RORA: variants seen among roughly 807,000 people sequenced by gnomAD.
The protein encoded by RORA is nuclear receptor ROR-alpha.
A neutral mutation model predicts 69.5 loss-of-function variants in RORA; 7 were observed. The ratio of observed to expected loss-of-function variants is 0.10; its 90% CI spans 0.06 to 0.19. The LOEUF (loss-of-function observed/expected upper bound fraction) is 0.19. Ranked by LOEUF, RORA falls within the 10% of genes least tolerant of loss-of-function variation. The probability of loss-of-function intolerance (pLI) is 1.00; values close to 1 mark genes in which losing one functional copy is unlikely to be tolerated. For missense variants in RORA, 457 were observed against 663.0 expected, an observed-to-expected ratio of 0.69 and a Z score of 3.41; for synonymous variants, 261 against 240.8, an observed-to-expected ratio of 1.08 and a Z score of -0.78.
At chr15:60,645,975 T>C (rs1415708376) in intron 2 of RORA, among the ~76,000 whole-genome samples, 1 of 152,194 alleles carries the variant, frequency 6.6e-6, no homozygotes, top group Non-Finnish European at 1.5e-5. Flanking sequence ...GCACCATATG[T>C]GAGCATGAAA....
intron 10 of RORA, among the ~76,000 whole-genome samples, chr15:60,498,951 A>G (rs1292309752): frequency 6.6e-6 from 1 of 152,174 alleles, no homozygotes; most frequent in African/African-American, 2.4e-5. Flanking sequence ...TAAAATAAGA[A>G]AGAACAGGGC....
intron 2 of RORA, among the ~76,000 whole-genome samples, chr15:60,632,566 C>T (rs1232344922): frequency 1.3e-5 from 2 of 152,082 alleles, no homozygotes; most frequent in Non-Finnish European, 2.9e-5. Context: ...CATTGTTCAT[C>T]GACACTGAGT....
chr15:60,517,688 CTCTT>C (rs1229508330), intron 3 of RORA, among the ~76,000 whole-genome samples: 1 of 152,186 alleles, frequency 6.6e-6, no homozygotes, highest in East Asian at 1.9e-4. Context: ...AGGTGTTTAT[CTCTT>C]TCTTGAGACT....
chr15:61,196,245 G>C (rs764051589), intron 1 of RORA, among the ~76,000 whole-genome samples: 7 of 152,356 alleles, frequency 4.6e-5, no homozygotes, highest in Non-Finnish European at 8.8e-5. Context: ...TGAAGAGCTG[G>C]GTAGCAGCTT....
chr15:61,001,622 C>T lies in RORA; in HGVS notation c.166+227431G>A, dbSNP rs549171548. On this transcript the variant is annotated intron_variant, in intron 1 of 10. Transcript: ENST00000335670. ...CTTTCAACAAGTATCTCCTGAGTGC[C>T]GGCTCTGTCCTAGACACTAGGGATA... Among the ~76,000 whole-genome samples, 17 of 152,296 alleles carry T rather than the reference C, an allele frequency of 1.1e-4. No homozygotes were observed. In the South Asian group the frequency reaches 2.1e-3, roughly 19 times the overall value.
chr15:61,069,031 T>C lies in RORA; in HGVS notation c.166+160022A>G, dbSNP rs1432036047. ...TCATCCACCTTTCTAGCAGTAATAC[T>C]GACATCTGAATCTCTTTTTCTCACT... On this transcript the variant is annotated intron_variant, in intron 1 of 10. Coordinates refer to ENST00000335670, the MANE Select transcript of RORA (RefSeq NM_134261.3). 3.3e-5 allele frequency among the ~76,000 whole-genome samples: 5 copies of C among 152,220 alleles called. No individual in the cohort carries two copies. The East Asian group carries it at 9.6e-4, about 29-fold the overall frequency.
At chr15:60,578,923 C>T (rs1308099168) in intron 2 of RORA, among the ~76,000 whole-genome samples, 4 of 151,942 alleles carry the variant, frequency 2.6e-5, no homozygotes, top group Non-Finnish European at 5.9e-5. Context: ...GCCACCATGC[C>T]CAGCTAATTT....
intron 2 of RORA, among the ~76,000 whole-genome samples, chr15:60,654,698 T>C (rs1056277820): frequency 3.3e-5 from 5 of 152,126 alleles, no homozygotes; most frequent in Non-Finnish European, 7.4e-5. Flanking sequence ...AGGGTCCTTA[T>C]AAGAAGTAGA....
chr15:60,645,149 A>G (rs1212673802), intron 2 of RORA, among the ~76,000 whole-genome samples: 2 of 152,074 alleles, frequency 1.3e-5, no homozygotes, highest in Non-Finnish European at 2.9e-5. Flanking sequence ...CAAAAATTCC[A>G]TGATAAGCTA....
intron 1 of RORA, among the ~76,000 whole-genome samples, chr15:60,876,113 C>T (rs937166732): frequency 6.6e-6 from 1 of 152,166 alleles, no homozygotes; most frequent in Non-Finnish European, 1.5e-5. Context: ...TGAAGTCCCA[C>T]AGATTTCTAC....
intron 1 of RORA, among the ~76,000 whole-genome samples, chr15:61,014,570 C>A (rs1457641977): frequency 6.6e-6 from 1 of 152,158 alleles, no homozygotes; most frequent in African/African-American, 2.4e-5. Context: ...ATTCTGTGAA[C>A]CTCATTTCCA....
chr15:61,022,822 C>T (rs947114627), intron 1 of RORA, among the ~76,000 whole-genome samples: 2 of 152,068 alleles, frequency 1.3e-5, no homozygotes, highest in Non-Finnish European at 2.9e-5. Context: ...TGCAGGTTTG[C>T]ATCTTGTCTT....
chr15:60,702,742 C>T (rs994856014), intron 1 of RORA, among the ~76,000 whole-genome samples: 1 of 152,164 alleles, frequency 6.6e-6, no homozygotes, highest in Admixed American at 6.5e-5. Flanking sequence ...AACGGTAGTT[C>T]CTTAAGATTA....
chr15:60,881,681 G>C (rs2073682327), intron 1 of RORA, among the ~76,000 whole-genome samples: 1 of 152,076 alleles, frequency 6.6e-6, no homozygotes, highest in Non-Finnish European at 1.5e-5. Context: ...TAGAAAACAG[G>C]GTGACTTTTT....
At chr15:61,151,549 G>A (rs920823259) in intron 1 of RORA, among the ~76,000 whole-genome samples, 2 of 152,166 alleles carry the variant, frequency 1.3e-5, no homozygotes, top group Non-Finnish European at 2.9e-5. Context: ...AAATACTGGA[G>A]TGTCCCATTA....
At chr15:60,725,489 A>C (rs1169104104) in intron 1 of RORA, among the ~76,000 whole-genome samples, 1 of 152,204 alleles carries the variant, frequency 6.6e-6, no homozygotes, top group Non-Finnish European at 1.5e-5. Context: ...AGATGCTTTG[A>C]TACAGGCATG....
intron 1 of RORA, among the ~76,000 whole-genome samples, chr15:60,776,113 G>A (rs2072162982): frequency 6.6e-6 from 1 of 152,166 alleles, no homozygotes; most frequent in African/African-American, 2.4e-5. Context: ...GGCTCGGCTA[G>A]AATTGAGTGT....
chr15:60,700,075 T>A (rs933918602), intron 1 of RORA, among the ~76,000 whole-genome samples: 1 of 152,132 alleles, frequency 6.6e-6, no homozygotes, highest in Non-Finnish European at 1.5e-5. Context: ...TGCCCAGATA[T>A]GGGAATTGTG....
At chr15:61,045,489 T>C (rs1036216708) in intron 1 of RORA, among the ~76,000 whole-genome samples, 1 of 152,192 alleles carries the variant, frequency 6.6e-6, no homozygotes, top group African/African-American at 2.4e-5. Flanking sequence ...TTTCAATTGC[T>C]GCGCTGAAGT....
Sources: gnomAD v4.1 joint callset for allele counts (sites outside exome capture counted in the v4.1 genomes callset) on GRCh38, gnomAD v4.1.1 for gene constraint, MANE v1.5 for transcripts, NCBI Gene and HGNC (gene_info 2026-07-23, HGNC 2026-07-21) for gene names.